Variants in CSGALNACT2 observed in about 807,000 individuals in gnomAD.
CSGALNACT2 encodes the protein chondroitin sulfate N-acetylgalactosaminyltransferase 2, also known as beta 4 GalNAcT-2.
A neutral mutation model predicts 55.3 loss-of-function variants in CSGALNACT2; 35 were observed. The ratio of observed to expected loss-of-function variants is 0.63; its 90% CI spans 0.48 to 0.84. The LOEUF is 0.84. Among genes scored for constraint, CSGALNACT2 ranks in the 40% least tolerant of loss-of-function variants. The pLI, the probability that CSGALNACT2 is intolerant of heterozygous loss-of-function variation, is 0.00. For synonymous variants in CSGALNACT2, 196 were observed against 224.9 expected, an observed-to-expected ratio of 0.87 and a Z score of 1.15; for missense variants, 544 against 657.5, an observed-to-expected ratio of 0.83 and a Z score of 1.89.
At chr10:43,180,696 G>T (rs748950891) in intron 7 of CSGALNACT2, among the ~76,000 whole-genome samples, 1 of 152,164 alleles carries the variant, frequency 6.6e-6, no homozygotes, top group Non-Finnish European at 1.5e-5. Flanking sequence ...GATATACTGC[G>T]TAAAAGGAAC....
Position 43,147,059 on chromosome 10 carries a change from T to C in CSGALNACT2, c.-253-7838T>C, listed in dbSNP as rs1017027181. ...GGCGGGATCTCGGCTCACTGCAAGC[T>C]CCGCCTCCCGGGTTCACGCCATTCT... On this transcript the variant is annotated intron_variant, in intron 1 of 7. Coordinates refer to ENST00000374466, the MANE Select transcript of CSGALNACT2 (RefSeq NM_018590.5). Among the ~76,000 whole-genome samples, 3 of 116,836 alleles carry C rather than the reference T, an allele frequency of 2.6e-5. No individual in the cohort carries two copies. The South Asian group carries it at 1.0e-3, about 40-fold the overall frequency. 76.6% of individuals were successfully genotyped at this position (116,836 alleles called of 152,430 possible).
chr10:43,163,082 T>A, intron 4 of CSGALNACT2: 1 of 985,370 alleles, frequency 1.0e-6, no homozygotes, highest in Non-Finnish European at 1.2e-6. Context: ...CTAAAATGCT[T>A]TCTACATTCT....
chr10:43,170,577 G>A (rs775768878), intron 6 of CSGALNACT2, among the ~76,000 whole-genome samples: 1 of 152,210 alleles, frequency 6.6e-6, no homozygotes, highest in Admixed American at 6.5e-5. Context: ...ACAAATGAGT[G>A]AGTGAATGAG....
chr10:43,165,372 A>G, intron 5 of CSGALNACT2, among the ~76,000 whole-genome samples: 1 of 132,254 alleles, frequency 7.6e-6, no homozygotes, highest in Non-Finnish European at 1.7e-5. Flanking sequence ...TCTTACCACC[A>G]AAAAAAAAAA....
intron 7 of CSGALNACT2, among the ~76,000 whole-genome samples, chr10:43,179,248 G>T: frequency 6.9e-6 from 1 of 145,336 alleles, no homozygotes; most frequent in South Asian, 2.2e-4. Flanking sequence ...GTTGCTTGCC[G>T]GTTTTTTTTT....
Position 43,183,744 on chromosome 10 carries a change from G to C in CSGALNACT2, c.*202G>C, listed in dbSNP as rs937280480. ...AAAATCTCTGTTTTGTGAGAATACT[G>C]CACTATGGAATAATTGACAAATTGA... On this transcript the variant is annotated 3_prime_UTR_variant, in exon 8 of 8. Coordinates refer to ENST00000374466, the MANE Select transcript of CSGALNACT2 (RefSeq NM_018590.5). The C allele has an allele frequency of 1.4e-5, 8 of 583,206 alleles. No homozygotes were observed. In the African/African-American group the frequency reaches 1.5e-4, roughly 11 times the overall value. The allele number at this position is 583,206 out of a possible 1,614,324, so 36.1% of individuals were successfully genotyped here.
Position 43,151,883 on chromosome 10 carries a change from T to G in CSGALNACT2, c.-253-3014T>G, listed in dbSNP as rs1012369779. On this transcript the variant is annotated intron_variant, in intron 1 of 7. Coordinates refer to ENST00000374466, the MANE Select transcript of CSGALNACT2 (RefSeq NM_018590.5). The stretch of plus-strand genomic sequence containing the variant: ...TGATGTTAAATATCTTGAAAATCAT[T>G]GTTTCATATTTTGGGTTTGTTGGCA... 2.4e-4 allele frequency among the ~76,000 whole-genome samples: 37 copies of G among 152,190 alleles called. 1 individual carries two copies. Among genetic ancestry groups the G allele is most frequent in the African/African-American group, 8.7e-4 (36 of 41,438 alleles).
At chr10:43,165,555 T>C (rs1158580648) in intron 5 of CSGALNACT2, among the ~76,000 whole-genome samples, 1 of 152,114 alleles carries the variant, frequency 6.6e-6, no homozygotes, top group Non-Finnish European at 1.5e-5. Context: ...TCCCAGCACC[T>C]TGGGAGTCTG....
intron 1 of CSGALNACT2, among the ~76,000 whole-genome samples, chr10:43,150,097 G>A (rs1383661060): frequency 1.3e-5 from 2 of 152,124 alleles, no homozygotes; most frequent in African/African-American, 2.4e-5. Flanking sequence ...ATAAATAAAT[G>A]TTTGGTACAT....
chr10:43,161,525 G>A (rs980844898), intron 4 of CSGALNACT2, among the ~76,000 whole-genome samples: 4 of 152,166 alleles, frequency 2.6e-5, no homozygotes, highest in Non-Finnish European at 4.4e-5. Context: ...TGCCTACTGT[G>A]TTCCAGGTAC....
intron 4 of CSGALNACT2, chr10:43,162,198 A>G (rs762224947): frequency 2.1e-5 from 11 of 519,312 alleles, no homozygotes; most frequent in South Asian, 1.5e-4. Context: ...CTCCTGTTGC[A>G]GATTGGCTTC....
chr10:43,174,010 A>C (rs1300712059), intron 6 of CSGALNACT2, among the ~76,000 whole-genome samples: 1 of 152,092 alleles, frequency 6.6e-6, no homozygotes, highest in Non-Finnish European at 1.5e-5. Flanking sequence ...TAATAATAAT[A>C]GAGTCTAGTC....
At chr10:43,153,126 G>A (rs551562976) in intron 1 of CSGALNACT2, among the ~76,000 whole-genome samples, 2 of 152,080 alleles carry the variant, frequency 1.3e-5, no homozygotes, top group East Asian at 3.9e-4. Flanking sequence ...GAGGCGGGCG[G>A]ATCACGAGGT....
At chr10:43,151,951 A>G (rs1489007910) in intron 1 of CSGALNACT2, among the ~76,000 whole-genome samples, 9 of 152,240 alleles carry the variant, frequency 5.9e-5, no homozygotes, top group Admixed American at 3.9e-4. Flanking sequence ...AAGACAACCA[A>G]AGAGAGCAAA....
chr10:43,172,703 GT>G (rs1265848742), intron 6 of CSGALNACT2, among the ~76,000 whole-genome samples: 1 of 152,222 alleles, frequency 6.6e-6, no homozygotes, highest in African/African-American at 2.4e-5. Context: ...AGATATGGCT[GT>G]TGCTCGTGAG....
At chr10:43,150,078 A>G (rs900822572) in intron 1 of CSGALNACT2, among the ~76,000 whole-genome samples, 1 of 152,244 alleles carries the variant, frequency 6.6e-6, no homozygotes. Flanking sequence ...AAAAAAAATA[A>G]TAGTAATAAT....
chr10:43,147,192 G>A (rs375798893), intron 1 of CSGALNACT2, among the ~76,000 whole-genome samples: 151 of 151,536 alleles, frequency 1.0e-3, no homozygotes, highest in African/African-American at 3.5e-3. Context: ...AGCCGGGATG[G>A]TCTCGATCTC....
intron 4 of CSGALNACT2, chr10:43,163,072 C>G: frequency 1.0e-6 from 1 of 985,358 alleles, no homozygotes; most frequent in South Asian, 4.7e-5. Flanking sequence ...TCCCTTTTCT[C>G]TAAAATGCTT....
At chr10:43,180,582 C>T (rs1839571739) in intron 7 of CSGALNACT2, among the ~76,000 whole-genome samples, 1 of 152,172 alleles carries the variant, frequency 6.6e-6, no homozygotes, top group Non-Finnish European at 1.5e-5. Flanking sequence ...TCCAACATCC[C>T]TGCTGTATCT....
Sources: allele counts gnomAD v4.1 joint callset (sites outside exome capture counted in the v4.1 genomes callset), GRCh38; gene constraint gnomAD v4.1.1; transcripts MANE v1.5; gene names NCBI Gene and HGNC (gene_info 2026-07-23, HGNC 2026-07-21).